Variants in FBXL13 observed in about 807,000 individuals in gnomAD.
FBXL13 encodes the protein F-box and leucine rich repeat protein 13, also known as F-box and leucine-rich repeat protein 13.
FBXL13 carries 67 observed loss-of-function variants against 83.6 expected under a neutral mutation model. The observed-to-expected ratio is 0.80, with a 90% CI of 0.66 to 0.98. The LOEUF is 0.98. Ranked by LOEUF, FBXL13 falls within the 50% of genes least tolerant of loss-of-function variation. The pLI is 0.00. For synonymous variants in FBXL13, 272 were observed against 299.5 expected (o/e 0.91, Z 0.95); for missense variants, 822 against 866.5 (o/e 0.95, Z 0.64).
At chr7:102,963,267 G>A (rs1172103776) in intron 8 of FBXL13, among the ~76,000 whole-genome samples, 10 of 151,206 alleles carry the variant, frequency 6.6e-5, no homozygotes, top group Non-Finnish European at 1.0e-4. Flanking sequence ...GTTACAGTGA[G>A]CCAAGATCGC....
In FBXL13 at chr7:102,937,696, C is replaced by T. The variant is rs565017464; in HGVS notation, c.725-5763G>A. Among the ~76,000 whole-genome samples the T allele has an allele frequency of 3.9e-5, 6 of 152,182 alleles. No homozygotes were observed. The South Asian group carries it at 1.2e-3, about 32-fold the overall frequency. ...TTAAATTCCCTTTGGTAGTGCCTGCCACAGAGCCATGTGCTTTAGATTGAT... is the reference window on the plus strand; with the variant it reads ...TTAAATTCCCTTTGGTAGTGCCTGCTACAGAGCCATGTGCTTTAGATTGAT... On this transcript the variant is annotated intron_variant, in intron 8 of 19. Transcript: ENST00000313221.
intron 2 of FBXL13, among the ~76,000 whole-genome samples, chr7:103,035,874 T>G (rs1020407355): frequency 1.2e-4 from 18 of 152,208 alleles, no homozygotes; most frequent in African/African-American, 4.3e-4. Context: ...TGCCTTTACT[T>G]CATTAATGAG....
intron 1 of FBXL13, among the ~76,000 whole-genome samples, chr7:103,058,552 TG>T (rs1343620607): frequency 2.0e-5 from 3 of 152,246 alleles, no homozygotes; most frequent in Non-Finnish European, 4.4e-5. Flanking sequence ...CTTCTGTGCC[TG>T]GGTCTCCAGA....
chr7:102,932,631 G>A (rs1819439974), intron 8 of FBXL13, among the ~76,000 whole-genome samples: 1 of 21,546 alleles, frequency 4.6e-5, no homozygotes, highest in Admixed American at 4.6e-4. Context: ...ATCTTGCTCT[G>A]TCAGCCACGC....
At position 103,043,554 on chromosome 7, in the gene FBXL13, G is replaced by A. The variant is rs138016708; in HGVS notation, c.-1+12090C>T. On this transcript the variant is annotated intron_variant, in intron 2 of 19. Transcript: ENST00000313221. ...TGTTTATTATGGCACCTCCGTCGCC[G>A]AGGCCGGAGTCTAATGGCATGATCT... Among the ~76,000 whole-genome samples, 60 of 152,284 alleles carry A rather than the reference G, an allele frequency of 3.9e-4. No individual in the cohort carries two copies. In the East Asian group the frequency reaches 0.011, roughly 27 times the overall value.
At chr7:102,934,385 C>T (rs1819862760) in intron 8 of FBXL13, 1 of 1,614,052 alleles carries the variant, frequency 6.2e-7, no homozygotes, top group Non-Finnish European at 8.5e-7. Flanking sequence ...CTTGAGCTAC[C>T]TGCGTCTTTA....
chr7:102,850,843 G>A (rs1805093380), intron 17 of FBXL13, among the ~76,000 whole-genome samples: 1 of 152,128 alleles, frequency 6.6e-6, no homozygotes, highest in African/African-American at 2.4e-5. Context: ...AGTATCCCTG[G>A]TCTAAAATTG....
At chr7:102,826,724 C>CATATATATATATATAT (rs58307950) in intron 18 of FBXL13, among the ~76,000 whole-genome samples, 8 of 62,722 alleles carry the variant, frequency 1.3e-4, no homozygotes, top group Non-Finnish European at 3.0e-4. Context: ...GACCCTGTCT[C>CATATATATATATATAT]ATATATATAT....
At chr7:102,949,360 T>C (rs1406823967) in intron 8 of FBXL13, among the ~76,000 whole-genome samples, 1 of 152,180 alleles carries the variant, frequency 6.6e-6, no homozygotes, top group Non-Finnish European at 1.5e-5. Context: ...GTACAGATAA[T>C]TTAGTCACCC....
chr7:103,025,409 G>A (rs1448801637), intron 5 of FBXL13, among the ~76,000 whole-genome samples, 179 bp from the exon 7 acceptor site: 1 of 152,046 alleles, frequency 6.6e-6, no homozygotes, highest in Non-Finnish European at 1.5e-5. Context: ...CTAAACCACC[G>A]AAGTATTACA....
intron 19 of FBXL13, among the ~76,000 whole-genome samples, chr7:102,816,851 A>T (rs1313093255): frequency 1.3e-5 from 2 of 152,218 alleles, no homozygotes; most frequent in Admixed American, 6.5e-5. Flanking sequence ...AAGTGAGAAC[A>T]TGCAGTATTT....
chr7:102,878,433 A>C, exon 15 of FBXL13: 2 of 1,604,106 alleles, frequency 1.2e-6, no homozygotes. Flanking sequence ...AAATTGCTTT[A>C]GTCCCATATC....
intron 6 of FBXL13, among the ~76,000 whole-genome samples, chr7:102,975,416 C>T (rs1165223526): frequency 6.6e-6 from 1 of 152,188 alleles, no homozygotes; most frequent in African/African-American, 2.4e-5. Flanking sequence ...CATGCTGATA[C>T]AATTCATCAC....
chr7:102,965,075 T>G (rs966004903), intron 7 of FBXL13, among the ~76,000 whole-genome samples: 2 of 152,150 alleles, frequency 1.3e-5, no homozygotes, highest in Admixed American at 6.5e-5. Flanking sequence ...TTCATGAACA[T>G]TACTCGTTAA....
rs180872148 is a variant in FBXL13 at position 102,991,301 on chromosome 7, G to A, written c.496-23184C>T. 2.9e-4 allele frequency among the ~76,000 whole-genome samples: 44 copies of A among 152,264 alleles called. No individual in the cohort carries two copies. The East Asian group carries it at 8.5e-3, about 29-fold the overall frequency. Reference sequence around the variant, plus strand: ...CAAGAGACAGGGTTGGACAGGATATGGGGGAAAAGGAAGGTTGGAGGAAGA... The same window carrying A: ...CAAGAGACAGGGTTGGACAGGATATAGGGGAAAAGGAAGGTTGGAGGAAGA... On this transcript the variant is annotated intron_variant, in intron 6 of 19. Coordinates refer to ENST00000313221, the Ensembl canonical transcript of FBXL13.
intron 16 of FBXL13, among the ~76,000 whole-genome samples, chr7:102,874,044 T>A (rs1216430341): frequency 2.0e-5 from 3 of 152,196 alleles, no homozygotes; most frequent in Non-Finnish European, 4.4e-5. Context: ...TCAGAGTAAA[T>A]ACTTGTTAAC....
At chr7:102,926,359 G>C (rs1485085886) in exon 10 of FBXL13, 1 of 1,613,440 alleles carries the variant, frequency 6.2e-7, no homozygotes, top group Non-Finnish European at 8.5e-7. Flanking sequence ...TCAGAAATGT[G>C]TCTCATTGAT....
At chr7:102,938,667 T>C (rs1301511285) in intron 8 of FBXL13, among the ~76,000 whole-genome samples, 1 of 152,210 alleles carries the variant, frequency 6.6e-6, no homozygotes, top group Non-Finnish European at 1.5e-5. Flanking sequence ...CCTTCTGGTC[T>C]GGGGAAATGT....
intron 16 of FBXL13, among the ~76,000 whole-genome samples, chr7:102,872,041 A>G (rs17475512): frequency 0.073 from 11,070 of 152,168 alleles, 576 homozygotes; most frequent in Non-Finnish European, 0.11. Flanking sequence ...TTCAAGTCCA[A>G]TCTCCTTGAC....
Sources: allele counts gnomAD v4.1 joint callset (sites outside exome capture counted in the v4.1 genomes callset), GRCh38; gene constraint gnomAD v4.1.1; transcripts MANE v1.5; gene names NCBI Gene and HGNC (gene_info 2026-07-23, HGNC 2026-07-21).